Variants in SPIRE1 observed in about 807,000 individuals in gnomAD.
The protein encoded by SPIRE1 is spire type actin nucleation factor 1, also known as protein spire homolog 1.
A neutral mutation model predicts 94.1 loss-of-function variants in SPIRE1; 40 were observed. That is an observed-to-expected ratio of 0.43 (90% CI 0.33 to 0.55). SPIRE1 has a LOEUF of 0.55. SPIRE1 is among the 20% of genes least tolerant of loss of function. The pLI, the probability that SPIRE1 is intolerant of heterozygous loss-of-function variation, is 0.06. For synonymous variants in SPIRE1, 376 were observed against 371.7 expected, an observed-to-expected ratio of 1.01 and a Z score of -0.13; for missense variants, 838 against 975.2, an observed-to-expected ratio of 0.86 and a Z score of 1.87.
At chr18:12,543,205 G>GTA (rs2035058879) in intron 3 of SPIRE1, among the ~76,000 whole-genome samples, 1 of 152,176 alleles carries the variant, frequency 6.6e-6, no homozygotes, top group African/African-American at 2.4e-5. Context: ...TCTGCCTGAT[G>GTA]TATACTCTTT....
At chr18:12,498,687 C>T (rs926927046) in intron 6 of SPIRE1, among the ~76,000 whole-genome samples, 4 of 152,270 alleles carry the variant, frequency 2.6e-5, no homozygotes, top group East Asian at 1.9e-4. Flanking sequence ...AGTGCAGTGG[C>T]GTGATCACAG....
At chr18:12,645,869 C>T (rs976358652) in intron 1 of SPIRE1, among the ~76,000 whole-genome samples, 5 of 152,058 alleles carry the variant, frequency 3.3e-5, no homozygotes, top group African/African-American at 9.7e-5. Flanking sequence ...CGTGCCTTTC[C>T]AGCCCTTCTG....
chr18:12,477,830 C>T (rs536848351), intron 10 of SPIRE1, among the ~76,000 whole-genome samples: 1 of 152,210 alleles, frequency 6.6e-6, no homozygotes, highest in South Asian at 2.1e-4. Context: ...AACGGCTGTG[C>T]GTGGCTGAGG....
At chr18:12,590,753 G>A (rs2036512278) in intron 2 of SPIRE1, among the ~76,000 whole-genome samples, 1 of 152,096 alleles carries the variant, frequency 6.6e-6, no homozygotes, top group South Asian at 2.1e-4. Flanking sequence ...GGGCAGGAGC[G>A]CTACAGGCCC....
At chr18:12,557,062 C>T (rs759937542) in intron 2 of SPIRE1, among the ~76,000 whole-genome samples, 3 of 152,236 alleles carry the variant, frequency 2.0e-5, no homozygotes, top group African/African-American at 2.4e-5. Flanking sequence ...CCCCACCCGA[C>T]TCAGAAGCCC....
intron 2 of SPIRE1, among the ~76,000 whole-genome samples, chr18:12,611,533 C>T (rs539545456): frequency 7.9e-5 from 12 of 152,208 alleles, no homozygotes; most frequent in South Asian, 4.1e-4. Context: ...TGACTGCAGC[C>T]CTGGCCAATA....
At chr18:12,590,332 C>T (rs1202666746) in intron 2 of SPIRE1, among the ~76,000 whole-genome samples, 1 of 152,130 alleles carries the variant, frequency 6.6e-6, no homozygotes, top group Non-Finnish European at 1.5e-5. Flanking sequence ...TCAGGTGATC[C>T]ACCTGCCTTG....
chr18:12,626,709 T>C (rs2037635174), intron 2 of SPIRE1, among the ~76,000 whole-genome samples: 1 of 151,992 alleles, frequency 6.6e-6, no homozygotes, highest in Admixed American at 6.6e-5. Context: ...ATAAAGTGGT[T>C]CCGCAACTTT....
At chr18:12,518,219 C>T (rs1180833330) in intron 4 of SPIRE1, among the ~76,000 whole-genome samples, 3 of 152,092 alleles carry the variant, frequency 2.0e-5, no homozygotes, top group Non-Finnish European at 2.9e-5. Context: ...CCATGTTGGC[C>T]GGGCTGATCT....
chr18:12,481,354 C>G (rs542591974), intron 9 of SPIRE1, among the ~76,000 whole-genome samples: 1 of 145,858 alleles, frequency 6.9e-6, no homozygotes, highest in African/African-American at 2.5e-5. Context: ...ACCTTAAGTA[C>G]GAGAGGTAGA....
intron 2 of SPIRE1, among the ~76,000 whole-genome samples, chr18:12,557,755 C>G (rs1249256716): frequency 2.0e-5 from 3 of 151,376 alleles, no homozygotes; most frequent in Admixed American, 6.6e-5. Flanking sequence ...TATACAAATA[C>G]TACAACTATA....
chr18:12,493,246 T>G lies in SPIRE1; in HGVS notation c.1060-45A>C, dbSNP rs367962832. On this transcript the variant is annotated intron_variant, in intron 7 of 16. Transcript: ENST00000409402. The stretch of plus-strand genomic sequence containing the variant: ...GCTAAAGACTTCAGTAATTAAGTAA[T>G]TTTTACTGAAGTCTAGTCATACAGT... 148 of 1,570,572 alleles carry G rather than the reference T, an allele frequency of 9.4e-5. No homozygotes were observed. The African/African-American group carries it at 1.9e-3, about 21-fold the overall frequency.
At position 12,564,619 on chromosome 18, in the gene SPIRE1, T is replaced by A. The variant is rs144611943; in HGVS notation, c.373-17715A>T. On this transcript the variant is annotated intron_variant, in intron 2 of 16. Coordinates refer to ENST00000409402, the MANE Select transcript of SPIRE1 (RefSeq NM_001128626.2). ...GAGGGCAAACCAATGTCCCCAAGATTGGAGAGGCAGAGAGGTGAATACAGG... is the reference window on the plus strand; with the variant it reads ...GAGGGCAAACCAATGTCCCCAAGATAGGAGAGGCAGAGAGGTGAATACAGG... Among the ~76,000 whole-genome samples the A allele has an allele frequency of 4.9e-3, 746 of 152,110 alleles. 6 individuals are homozygous for A. The highest frequency in any genetic ancestry group is 0.017 in the African/African-American group (709 of 41,492).
upstream of SPIRE1, among the ~76,000 whole-genome samples, chr18:12,660,676 AT>A (rs1175303457): frequency 6.6e-6 from 1 of 152,030 alleles, no homozygotes; most frequent in Non-Finnish European, 1.5e-5. Flanking sequence ...TTGAGTGATG[AT>A]TTTTTTTAAC....
intron 6 of SPIRE1, among the ~76,000 whole-genome samples, chr18:12,497,099 C>CA (rs1003997165): frequency 3.3e-5 from 5 of 151,516 alleles, no homozygotes; most frequent in East Asian, 1.9e-4. Context: ...CAAACAACAA[C>CA]AAAAAAACCC....
At position 12,452,164 on chromosome 18, in the gene SPIRE1, C is replaced by T. The variant is rs1205373521; in HGVS notation, c.2012+91G>A. 8.0e-6 allele frequency: 12 copies of T among 1,502,242 alleles called. No homozygotes were observed. In the Admixed American group the frequency reaches 1.1e-4, roughly 13 times the overall value. The allele number at this position is 1,502,242 out of a possible 1,614,324, so 93.1% of individuals were successfully genotyped here. ...AACCAACAAACCAATAAAAACCCCT[C>T]GAGCCAAAACCCTAACACTCTACCA... On this transcript the variant is annotated intron_variant, in intron 16 of 16. Transcript: ENST00000409402.
intron 10 of SPIRE1, among the ~76,000 whole-genome samples, chr18:12,476,554 AAAAAAAAAAAATAT>A (rs1306507259): frequency 1.2e-3 from 110 of 93,986 alleles, no homozygotes; most frequent in African/African-American, 5.5e-3. Context: ...AAAAAAAAAA[AAAAAAAAAAAATAT>A]ATATATATAT....
At chr18:12,504,157 A>G (rs1259560645) in intron 6 of SPIRE1, among the ~76,000 whole-genome samples, 1 of 147,732 alleles carries the variant, frequency 6.8e-6, no homozygotes, top group Non-Finnish European at 1.5e-5. Context: ...TGAAATGTTT[A>G]GCTTATTAAA....
At position 12,449,071 on chromosome 18, in the gene SPIRE1, G is replaced by A. The variant is rs1568175244; in HGVS notation, c.*567C>T. 6.5e-6 allele frequency: 1 copy of A among 153,370 alleles called. No individual in the cohort carries two copies. The highest frequency in any genetic ancestry group is 1.5e-5 in the Non-Finnish European group (1 of 68,770). The allele number at this position is 153,370 out of a possible 1,614,324, so 9.5% of individuals were successfully genotyped here. A position where few individuals can be genotyped will look rare whatever the true frequency, so the allele number is the denominator to read the frequency against. On this transcript the variant is annotated 3_prime_UTR_variant, in exon 17 of 17. Transcript: ENST00000409402. The stretch of plus-strand genomic sequence containing the variant: ...TTTTGCACTAGAATGCAGGCAAAAA[G>A]TCCCTTATGTAATTTTTATCTCCAA...
Sources: allele counts gnomAD v4.1 joint callset (sites outside exome capture counted in the v4.1 genomes callset), GRCh38; gene constraint gnomAD v4.1.1; transcripts MANE v1.5; gene names NCBI Gene and HGNC (gene_info 2026-07-23, HGNC 2026-07-21).